The following AQP8 variants were observed in gnomAD, a reference collection of about 807,000 sequenced individuals.
AQP8 encodes the protein aquaporin 8.
Under a neutral mutation model 26.1 loss-of-function variants are expected in AQP8, and 14 were observed. The ratio of observed to expected loss-of-function variants is 0.54; its 90% CI spans 0.35 to 0.84. The LOEUF is 0.84. Among genes scored for constraint, AQP8 ranks in the 40% least tolerant of loss-of-function variants. The pLI is 0.01. For synonymous variants in AQP8, 131 were observed against 150.7 expected (o/e 0.87, Z 0.96); for missense variants, 301 against 340.5 (o/e 0.88, Z 0.91).
chr16:25,219,845 T>C (rs1041968141), intron 2 of AQP8, among the ~76,000 whole-genome samples: 17 of 151,666 alleles, frequency 1.1e-4, no homozygotes, highest in Admixed American at 2.0e-4. Context: ...GAGACCAACC[T>C]GGCCAACATG....
At chr16:25,219,441 CAGTA>C (rs1962529080) in intron 2 of AQP8, among the ~76,000 whole-genome samples, 2 of 151,512 alleles carry the variant, frequency 1.3e-5, no homozygotes, top group Non-Finnish European at 1.5e-5. Flanking sequence ...CCCTGGCACA[CAGTA>C]AGTGTCAGAG....
chr16:25,222,378 AT>A (rs1010674837), intron 3 of AQP8, among the ~76,000 whole-genome samples: 2 of 151,362 alleles, frequency 1.3e-5, no homozygotes, highest in African/African-American at 4.9e-5. Context: ...ATTAAAAAAA[AT>A]TTTTTTCTGT....
At chr16:25,222,683 GGT>G (rs1962579458) in intron 3 of AQP8, among the ~76,000 whole-genome samples, 1 of 151,894 alleles carries the variant, frequency 6.6e-6, no homozygotes, top group Non-Finnish European at 1.5e-5. Flanking sequence ...GTGTGTGGGG[GGT>G]GGTGGATGGG....
intron 3 of AQP8, 54 bp from the exon 4 acceptor site, chr16:25,224,308 A>T: frequency 6.5e-7 from 1 of 1,535,016 alleles, no homozygotes; most frequent in Non-Finnish European, 8.8e-7. Flanking sequence ...CTCTCCCCTC[A>T]GTTTCCAGCT....
At chr16:25,221,375 G>T (rs1299770884) in intron 2 of AQP8, 82 bp from the exon 3 acceptor site, 5 of 1,545,452 alleles carry the variant, frequency 3.2e-6, no homozygotes, top group Non-Finnish European at 4.4e-6. Flanking sequence ...AGCCTGGTGG[G>T]TTGGCTGGGA....
At chr16:25,228,340 G>C (rs1962662096) in intron 5 of AQP8, 104 bp from the exon 6 acceptor site, 1 of 1,019,828 alleles carries the variant, frequency 9.8e-7, no homozygotes, top group Non-Finnish European at 1.5e-6. Context: ...AGGCTGGGGA[G>C]GCTCAGGAAG....
At chr16:25,222,208 G>A (rs1279215364) in intron 3 of AQP8, among the ~76,000 whole-genome samples, 3 of 152,124 alleles carry the variant, frequency 2.0e-5, no homozygotes, top group Non-Finnish European at 2.9e-5. Context: ...TGGGACTACA[G>A]GTGTGTGTCA....
At chr16:25,220,648 T>G (rs1962549530) in intron 2 of AQP8, among the ~76,000 whole-genome samples, 1 of 152,118 alleles carries the variant, frequency 6.6e-6, no homozygotes, top group Non-Finnish European at 1.5e-5. Flanking sequence ...CAGCCTGAAC[T>G]CCAAATCTGC....
chr16:25,220,562 A>G (rs2098634251), intron 2 of AQP8, among the ~76,000 whole-genome samples: 1 of 151,588 alleles, frequency 6.6e-6, no homozygotes, highest in South Asian at 2.1e-4. Context: ...TCCCTTCCAC[A>G]CCCCAAACTC....
chr16:25,217,217 A>C lies in AQP8; in HGVS notation c.32A>C (p.Glu11Ala). The C allele has an allele frequency of 6.2e-7, 1 of 1,614,188 alleles. No homozygotes were observed. ...CGGCAGATAGCCATGTGTGAGCCTG[A>C]ATTTGGCAATGACAAGGCCAGGGAG... The part of the protein sequence containing the change: MSGEIAMCEP[E>A]FGNDKAREPS... Residue 11 changes from glutamate (E) to alanine (A), a missense_variant, in exon 2 of 6, where the codon GAA (glutamate) becomes GCA (alanine). Physicochemically the swap from Glu to Ala is moderately radical, Grantham distance 107. Coordinates refer to ENST00000219660, the MANE Select transcript of AQP8 (RefSeq NM_001169.3).
chr16:25,218,259 A>G (rs1962514103), intron 2 of AQP8, among the ~76,000 whole-genome samples: 2 of 152,224 alleles, frequency 1.3e-5, no homozygotes, highest in South Asian at 4.1e-4. Flanking sequence ...AGAAATGCAT[A>G]GAAGACCTGA....
At chr16:25,218,034 G>A (rs73551012) in intron 2 of AQP8, among the ~76,000 whole-genome samples, 5,298 of 152,240 alleles carry the variant, frequency 0.035, 117 homozygotes, top group African/African-American at 0.05. Flanking sequence ...AGCTGCAAAA[G>A]TGAAAGGCCA....
intron 3 of AQP8, among the ~76,000 whole-genome samples, chr16:25,222,223 A>G (rs754320239): frequency 1.1e-4 from 17 of 152,166 alleles, no homozygotes; most frequent in Admixed American, 7.2e-4. Context: ...GTGTCACCAC[A>G]CCCAACTAAT....
At chr16:25,223,725 A>T (rs1962593832) in intron 3 of AQP8, among the ~76,000 whole-genome samples, 1 of 152,096 alleles carries the variant, frequency 6.6e-6, no homozygotes, top group African/African-American at 2.4e-5. Flanking sequence ...AAATAAAAAG[A>T]TAGTTTATGT....
At position 25,224,622 on chromosome 16, in the gene AQP8, G is replaced by C. The variant is rs1001699200; in HGVS notation, c.602+46G>C. 2.5e-6 allele frequency: 4 copies of C among 1,569,666 alleles called. No homozygotes were observed. The African/African-American group carries it at 4.0e-5, about 16-fold the overall frequency. On this transcript the variant is annotated intron_variant, in intron 4 of 5. Coordinates refer to ENST00000219660, the MANE Select transcript of AQP8 (RefSeq NM_001169.3). ...GGGTGACCATGCCCAGATCTGTGCT[G>C]TTCAGCTCTGGGGGATTTCAGGCCT...
chr16:25,227,316 G>C, intron 5 of AQP8, 114 bp downstream of exon 5: 2 of 1,407,790 alleles, frequency 1.4e-6, no homozygotes, highest in Non-Finnish European at 1.9e-6. Context: ...AGAAAAGAGG[G>C]AGCCTCTTTA....
At chr16:25,226,918 C>A (rs1351554271) in intron 4 of AQP8, 150 bp from the exon 5 acceptor site, 1 of 1,205,620 alleles carries the variant, frequency 8.3e-7, no homozygotes, top group Non-Finnish European at 1.2e-6. Flanking sequence ...GCCCCTCTGC[C>A]TTCTTTAGGA....
At chr16:25,217,903 A>G (rs2141751464) in intron 2 of AQP8, among the ~76,000 whole-genome samples, 1 of 152,178 alleles carries the variant, frequency 6.6e-6, no homozygotes, top group South Asian at 2.1e-4. Flanking sequence ...TTTTTTTTCA[A>G]GCCAACATAT....
rs544036370 is a variant in AQP8, at chr16:25,219,439, C to T, written c.260+1994C>T. On this transcript the variant is annotated intron_variant, in intron 2 of 5. Coordinates refer to ENST00000219660, the MANE Select transcript of AQP8 (RefSeq NM_001169.3). ...TAAGCACCCAGCACAGCCCCTGGCA[C>T]ACAGTAAGTGTCAGAGAAATATATG... 5.3e-5 allele frequency among the ~76,000 whole-genome samples: 8 copies of T among 151,604 alleles called. No homozygotes were observed. In the South Asian group the frequency reaches 1.4e-3, roughly 27 times the overall value.
Sources: allele counts gnomAD v4.1 joint callset (sites outside exome capture counted in the v4.1 genomes callset), GRCh38; gene constraint gnomAD v4.1.1; transcripts MANE v1.5; gene names NCBI Gene and HGNC (gene_info 2026-07-23, HGNC 2026-07-21).